POR: variants seen among roughly 807,000 people sequenced by gnomAD.
POR encodes the protein NADPH--cytochrome P450 reductase.
POR carries 56 observed loss-of-function variants against 84.0 expected under a neutral mutation model. The observed-to-expected ratio is 0.67, with a 90% CI of 0.54 to 0.83. POR has a LOEUF of 0.83. POR is among the 40% of genes least tolerant of loss of function. The pLI is 0.00. For synonymous variants in POR, 414 were observed against 400.5 expected, an observed-to-expected ratio of 1.03 and a Z score of -0.40; for missense variants, 938 against 944.3, an observed-to-expected ratio of 0.99 and a Z score of 0.09.
At chr7:75,956,146 A>C (rs966764737) in intron 2 of POR, among the ~76,000 whole-genome samples, 7 of 152,138 alleles carry the variant, frequency 4.6e-5, no homozygotes, top group Non-Finnish European at 5.9e-5. Context: ...CGAAAATACA[A>C]AAACTAGCTG....
chr7:75,968,112 G>C, intron 2 of POR: 1 of 455,738 alleles, frequency 2.2e-6, no homozygotes, highest in Non-Finnish European at 4.4e-6. Flanking sequence ...TCCACCTGAG[G>C]AGCCCGCTCT....
rs550617155 is a variant in POR at position 75,978,404 on chromosome 7, A to G, written c.238-1047A>G. ...ACTATTTACAGAGAATTTACATTAC[A>G]TTAAGTATTACATTAATAAGTAATC... is the stretch of plus-strand genomic sequence containing the variant. On this transcript the variant is annotated intron_variant, in intron 3 of 15. Coordinates refer to ENST00000461988, the MANE Select transcript of POR (RefSeq NM_000941.3). Among the ~76,000 whole-genome samples the G allele has an allele frequency of 3.3e-3, 499 of 152,354 alleles. 2 individuals are homozygous for G. Among genetic ancestry groups the G allele is most frequent in the African/African-American group, 0.011 (465 of 41,596 alleles).
chr7:75,983,952 G>A lies in POR; in HGVS notation c.1066+96G>A, dbSNP rs527493996. On this transcript the variant is annotated intron_variant, in intron 10 of 15. Coordinates refer to ENST00000461988, the MANE Select transcript of POR (RefSeq NM_000941.3). ...GGTTGAGCTTCTGCTTAGGCCTGAAGCCCCGGTGCCTGGGAGGCCCTTGCA... is the reference window on the plus strand; with the variant it reads ...GGTTGAGCTTCTGCTTAGGCCTGAAACCCCGGTGCCTGGGAGGCCCTTGCA... 7.5e-5 allele frequency: 73 copies of A among 977,890 alleles called. No homozygotes were observed. The African/African-American group carries it at 1.2e-3, about 15-fold the overall frequency. 60.6% of individuals were successfully genotyped at this position (977,890 alleles called of 1,614,324 possible).
In POR at chr7:75,985,712, T is replaced by C. The variant is rs916152908; in HGVS notation, c.1532T>C (p.Leu511Pro). The change falls in exon 13 of 16, where the codon CTG (leucine) becomes CCG (proline). Residue 511 changes from leucine (L) to proline (P), a missense_variant. Physicochemically the swap from Leu to Pro is moderately conservative, Grantham distance 98. Coordinates refer to ENST00000461988, the MANE Select transcript of POR (RefSeq NM_000941.3). ...GCCGGGGAGAACGGCGGCCGTGCGC[T>C]GGTGCCCATGTTCGTGCGCAAGTCC... 3 of 1,587,712 alleles carry C rather than the reference T, an allele frequency of 1.9e-6. No homozygotes were observed. The highest frequency in any genetic ancestry group is 2.6e-6 in the Non-Finnish European group (3 of 1,168,852).
At position 75,976,302 on chromosome 7, in the gene POR, G is replaced by A. The variant is rs189939413; in HGVS notation, c.238-3149G>A. On this transcript the variant is annotated intron_variant, in intron 3 of 15. Coordinates refer to ENST00000461988, the MANE Select transcript of POR (RefSeq NM_000941.3). ...TACTAAAAATACAAAAATTAGCCGG[G>A]CGTGGTGGCATGCACCTGTAGTCCC... Among the ~76,000 whole-genome samples the A allele has an allele frequency of 3.3e-3, 496 of 152,174 alleles. 3 individuals carry two copies. The highest frequency in any genetic ancestry group is 0.011 in the African/African-American group (470 of 41,506).
chr7:75,953,551 T>C (rs41295375), intron 1 of POR, among the ~76,000 whole-genome samples: 3,880 of 152,158 alleles, frequency 0.025, 145 homozygotes, highest in African/African-American at 0.08. Context: ...ATGCAGGGTT[T>C]AGGGCAACCC....
intron 2 of POR, among the ~76,000 whole-genome samples, chr7:75,963,840 C>A (rs1210310584): frequency 6.6e-6 from 1 of 151,898 alleles, no homozygotes; most frequent in Non-Finnish European, 1.5e-5. Flanking sequence ...GTTGGGGTCA[C>A]CAAGGAAGTC....
At chr7:75,920,226 C>T (rs544110120) in intron 1 of POR, among the ~76,000 whole-genome samples, 10 of 151,578 alleles carry the variant, frequency 6.6e-5, no homozygotes, top group African/African-American at 1.5e-4. Flanking sequence ...CCATCACGCC[C>T]GGCTAATTTT....
At chr7:75,953,179 C>T (rs545549217) in intron 1 of POR, among the ~76,000 whole-genome samples, 201 of 152,110 alleles carry the variant, frequency 1.3e-3, no homozygotes, top group African/African-American at 4.6e-3. Context: ...ACCAGTCAGG[C>T]GTGGCGGCGC....
intron 2 of POR, among the ~76,000 whole-genome samples, chr7:75,956,998 T>G (rs1452872715): frequency 1.3e-5 from 2 of 152,220 alleles, no homozygotes; most frequent in African/African-American, 4.8e-5. Flanking sequence ...AGTGCTGGGA[T>G]TATAGGCGTG....
At chr7:75,979,426 C>CA in intron 3 of POR, 25 bp from the exon 4 acceptor site, 1 of 1,610,020 alleles carries the variant, frequency 6.2e-7, no homozygotes, top group Non-Finnish European at 8.5e-7. Context: ...GTGGCCCTCA[C>CA]CAACCCTGTG....
chr7:75,951,787 G>C (rs1157670198), intron 1 of POR, among the ~76,000 whole-genome samples: 1 of 152,266 alleles, frequency 6.6e-6, no homozygotes, highest in Non-Finnish European at 1.5e-5. Context: ...TCCTTGGTAA[G>C]CAGCAGAAGC....
chr7:75,973,930 G>A (rs540452221), intron 3 of POR, among the ~76,000 whole-genome samples: 3 of 151,080 alleles, frequency 2.0e-5, no homozygotes, highest in African/African-American at 4.9e-5. Context: ...CATCTGCCTC[G>A]GTCTCCCAAA....
rs1289984830 is a variant in POR at position 75,980,821 on chromosome 7, GTTGAGGCTGGCAGTGGA to G, written c.517-226_517-210del. On this transcript the variant is annotated intron_variant, in intron 5 of 15. Coordinates refer to ENST00000461988, the MANE Select transcript of POR (RefSeq NM_000941.3). The stretch of plus-strand genomic sequence containing the variant: ...GTGGGCTGGCCCCGCTTCCCTGTGG[GTTGAGGCTGGCAGTGGA>G]CGGGGCAGGCTGTGGGCTGCAGGTC... The G allele has an allele frequency of 7.2e-5, 88 of 1,225,442 alleles. No homozygotes were observed. In the African/African-American group the frequency reaches 1.3e-3, roughly 18 times the overall value. 75.9% of individuals were successfully genotyped at this position (1,225,442 alleles called of 1,614,324 possible).
intron 2 of POR, among the ~76,000 whole-genome samples, chr7:75,961,686 T>C (rs1267466654): frequency 6.6e-6 from 1 of 152,198 alleles, no homozygotes; most frequent in South Asian, 2.1e-4. Context: ...TCCCCAGATG[T>C]CATATTTCAT....
intron 2 of POR, among the ~76,000 whole-genome samples, chr7:75,968,730 C>T (rs1554555713): frequency 6.6e-6 from 1 of 152,244 alleles, no homozygotes; most frequent in African/African-American, 2.4e-5. Context: ...CTGGACCACT[C>T]ACACTTCCTG....
rs530065348 is a variant in POR, at chr7:75,985,725, C to T, written c.1545C>T (p.Phe515=). The change falls in exon 13 of 16, where the codon TTC becomes TTT. Residue 515 remains phenylalanine (F), a synonymous_variant. Coordinates refer to ENST00000461988, the MANE Select transcript of POR (RefSeq NM_000941.3). The stretch of plus-strand genomic sequence containing the variant: ...GCGGCCGTGCGCTGGTGCCCATGTT[C>T]GTGCGCAAGTCCCAGTTCCGCCTGC... 2.4e-5 allele frequency: 38 copies of T among 1,588,884 alleles called. No homozygotes were observed. Among genetic ancestry groups the T allele is most frequent in the Admixed American group, 8.9e-5 (5 of 56,358 alleles).
intron 2 of POR, among the ~76,000 whole-genome samples, chr7:75,968,666 C>T (rs1199284788): frequency 6.6e-6 from 1 of 152,228 alleles, no homozygotes; most frequent in Non-Finnish European, 1.5e-5. Flanking sequence ...TGTGTTGCGC[C>T]GGTGACCTAG....
intron 1 of POR, chr7:75,947,339 G>C (rs138404551): frequency 1.3e-5 from 2 of 152,486 alleles, no homozygotes; most frequent in Admixed American, 1.3e-4. Flanking sequence ...CAAGTGGCAC[G>C]ATCTTGGCTC....
Sources: allele counts gnomAD v4.1 joint callset (sites outside exome capture counted in the v4.1 genomes callset), GRCh38; gene constraint gnomAD v4.1.1; transcripts MANE v1.5; gene names NCBI Gene and HGNC (gene_info 2026-07-23, HGNC 2026-07-21).